The following MYO19 variants were observed in gnomAD, a reference collection of about 807,000 sequenced individuals.
The protein encoded by MYO19 is myosin XIX, also known as unconventional myosin-XIX.
MYO19 carries 132 observed loss-of-function variants against 129.2 expected under a neutral mutation model. The ratio of observed to expected loss-of-function variants is 1.02; its 90% confidence interval spans 0.89 to 1.18. The LOEUF (loss-of-function observed/expected upper bound fraction) is 1.18, where lower values mean the gene tolerates loss of function less well. Ranked by LOEUF, MYO19 falls within the 50% of genes most tolerant of loss-of-function variation. The probability of loss-of-function intolerance (pLI) is 0.00; values close to 1 mark genes in which losing one functional copy is unlikely to be tolerated. For missense variants in MYO19, 1,210 were observed against 1,216.7 expected (o/e 0.99, Z 0.08); for synonymous variants, 531 against 477.2 (o/e 1.11, Z -1.47).
intron 5 of MYO19, among the ~76,000 whole-genome samples, chr17:36,525,816 C>T (rs1178997609): frequency 6.6e-6 from 1 of 152,164 alleles, no homozygotes; most frequent in Non-Finnish European, 1.5e-5. Flanking sequence ...AGCCACTGTT[C>T]CCCTTTTCTT....
At chr17:36,521,436 A>T (rs2073124835) in intron 6 of MYO19, among the ~76,000 whole-genome samples, 1 of 152,360 alleles carries the variant, frequency 6.6e-6, no homozygotes, top group Non-Finnish European at 1.5e-5. Context: ...CTCTCAGAAG[A>T]TTAAAAAAAT....
Position 36,513,810 on chromosome 17 carries a change from A to C in MYO19, c.721-85T>G, listed in dbSNP as rs1756002209. ...TAGGCAGGCATGGGGTTGGGATAAG[A>C]GGAGAGTTGGTAGCAACATCACAAG... On this transcript the variant is annotated intron_variant, in intron 9 of 25. Transcript: ENST00000614623. 4.9e-6 allele frequency: 6 copies of C among 1,220,280 alleles called. 1 individual carries two copies. The South Asian group carries it at 8.1e-5, about 17-fold the overall frequency. 75.6% of individuals were successfully genotyped at this position (1,220,280 alleles called of 1,614,324 possible). A position where few individuals can be genotyped will look rare whatever the true frequency, so the allele number is the denominator to read the frequency against.
upstream of MYO19, chr17:36,538,898 C>T: frequency 3.6e-6 from 1 of 274,956 alleles, no homozygotes; most frequent in Admixed American, 5.0e-5. Context: ...GCACTGTAGG[C>T]ATGTACCACC....
intron 18 of MYO19, among the ~76,000 whole-genome samples, chr17:36,505,965 T>C (rs1263288965): frequency 3.9e-5 from 6 of 152,192 alleles, no homozygotes; most frequent in Admixed American, 2.6e-4. Context: ...GTCTGAAGGA[T>C]GAGAAGGACT....
intron 21 of MYO19, 117 bp downstream of exon 21, chr17:36,502,980 A>G (rs2071633168): frequency 3.5e-6 from 3 of 853,896 alleles, no homozygotes; most frequent in Non-Finnish European, 1.9e-6. Flanking sequence ...CTGAACCAAA[A>G]CCAGGGCTGT....
chr17:36,516,079 C>A, intron 6 of MYO19, 89 bp from the exon 7 acceptor site: 1 of 1,422,428 alleles, frequency 7.0e-7, no homozygotes, highest in South Asian at 1.4e-5. Context: ...CCAGAGCTCT[C>A]TTCTCCACCA....
chr17:36,522,902 A>G (rs1829719398), intron 6 of MYO19, among the ~76,000 whole-genome samples: 1 of 151,486 alleles, frequency 6.6e-6, no homozygotes. Flanking sequence ...GCTACTCGGG[A>G]GGCTGAGGCA....
intron 7 of MYO19, among the ~76,000 whole-genome samples, chr17:36,515,509 C>A (rs1182476087): frequency 6.6e-6 from 1 of 152,168 alleles, no homozygotes; most frequent in African/African-American, 2.4e-5. Context: ...GGTTCCAGTG[C>A]CAACACAAAC....
At chr17:36,523,308 GC>G (rs1467948546) in intron 6 of MYO19, among the ~76,000 whole-genome samples, 1 of 152,162 alleles carries the variant, frequency 6.6e-6, no homozygotes, top group Non-Finnish European at 1.5e-5. Context: ...CCATGCAACA[GC>G]TGTGTGGCAG....
chr17:36,535,096 G>A (rs1190420210), upstream of MYO19: 1 of 152,030 alleles, frequency 6.6e-6, no homozygotes, highest in African/African-American at 2.4e-5. Context: ...AGGGTAAAGC[G>A]GCAGCTTCCC....
rs191512712 is a variant in MYO19 at position 36,520,638 on chromosome 17, G to A, written c.414+4590C>T. On this transcript the variant is annotated intron_variant, in intron 6 of 25. Coordinates refer to ENST00000614623, the MANE Select transcript of MYO19 (RefSeq NM_001163735.2). Reference sequence around the variant, plus strand: ...CCTCTTCTTCCTCAGCCTACTCAAAGTGAAGATGACAGTGATGAAGACCTT... The same window carrying A: ...CCTCTTCTTCCTCAGCCTACTCAAAATGAAGATGACAGTGATGAAGACCTT... Among the ~76,000 whole-genome samples the A allele has an allele frequency of 1.2e-3, 184 of 152,190 alleles. 1 individual carries two copies. Among genetic ancestry groups the A allele is most frequent in the African/African-American group, 4.3e-3 (179 of 41,506 alleles).
upstream of MYO19, chr17:36,535,232 G>GGCGGAGAGTTGTGCGAGT (rs797035387): frequency 1.3e-5 from 2 of 152,044 alleles, no homozygotes; most frequent in African/African-American, 4.8e-5. Context: ...GTTGTGCGAG[G>GGCGGAGAGTTGTGCGAGT]CCGGCGGACA....
intron 5 of MYO19, among the ~76,000 whole-genome samples, chr17:36,526,417 A>C (rs2142348707): frequency 6.6e-6 from 1 of 152,126 alleles, no homozygotes; most frequent in African/African-American, 2.4e-5. Context: ...CCTCTCCCTG[A>C]ATGCATCATG....
chr17:36,512,642 T>C (rs1423650937), intron 11 of MYO19: 2 of 1,288,756 alleles, frequency 1.6e-6, no homozygotes, highest in East Asian at 1.1e-4. Context: ...GTACTGTCCT[T>C]CTGTCAAGTT....
In MYO19 at chr17:36,496,370, G is replaced by T; in HGVS notation, c.2794C>A (p.Arg932=). The T allele has an allele frequency of 1.2e-6, 2 of 1,613,986 alleles. No homozygotes were observed. Among genetic ancestry groups the T allele is most frequent in the South Asian group, 2.2e-5 (2 of 91,086 alleles). The change falls in exon 26 of 26, where the codon CGG becomes AGG. Residue 932 remains arginine, a synonymous_variant. Transcript: ENST00000614623. Reference sequence around the variant, plus strand: ...GGTTCAGGGCAGATGTCAGCATACCGCAGTGGAGACTTTCTGCAGTGAAAC... The same window carrying T: ...GGTTCAGGGCAGATGTCAGCATACCTCAGTGGAGACTTTCTGCAGTGAAAC... ...IKFHCRKSPL[R]YADICPEPSP...
chr17:36,498,249 C>G lies in MYO19; in HGVS notation c.2757+17G>C. 6.3e-7 allele frequency: 1 copy of G among 1,599,844 alleles called. No homozygotes were observed. The highest frequency in any genetic ancestry group is 1.1e-5 in the South Asian group (1 of 90,812). The stretch of plus-strand genomic sequence containing the variant: ...TTCTCAGGAACAAAGCTGTCATGGC[C>G]ATCACACACAACGTACCTGAGGCAG... On this transcript the variant is annotated intron_variant, in intron 25 of 25. Transcript: ENST00000614623.
intron 20 of MYO19, among the ~76,000 whole-genome samples, chr17:36,503,451 C>G (rs1417781605): frequency 6.6e-6 from 1 of 152,242 alleles, no homozygotes; most frequent in African/African-American, 2.4e-5. Flanking sequence ...CACAAAGCAT[C>G]TCTTGTGTTA....
At position 36,496,096 on chromosome 17, in the gene MYO19, T is replaced by C; in HGVS notation, c.*155A>G. Reference sequence around the variant, plus strand: ...TGGAACCCCAGGCCCACTGACGCACTGGGCACGGGGCTCTGGGTCGAAGGC... The same window carrying C: ...TGGAACCCCAGGCCCACTGACGCACCGGGCACGGGGCTCTGGGTCGAAGGC... On this transcript the variant is annotated 3_prime_UTR_variant, in exon 26 of 26. Transcript: ENST00000614623. 2 of 1,059,136 alleles carry C rather than the reference T, an allele frequency of 1.9e-6. No individual in the cohort carries two copies. The highest frequency in any genetic ancestry group is 2.7e-6 in the Non-Finnish European group (2 of 734,536). 65.6% of individuals were successfully genotyped at this position (1,059,136 alleles called of 1,614,324 possible).
intron 6 of MYO19, among the ~76,000 whole-genome samples, chr17:36,520,490 TG>T (rs1250956979): frequency 6.6e-5 from 10 of 152,156 alleles, no homozygotes; most frequent in Admixed American, 6.5e-4. Flanking sequence ...TGAAAACACG[TG>T]TTTGAATTGC....
Sources: allele counts gnomAD v4.1 joint callset (sites outside exome capture counted in the v4.1 genomes callset), GRCh38; gene constraint gnomAD v4.1.1; transcripts MANE v1.5; gene names NCBI Gene and HGNC (gene_info 2026-07-23, HGNC 2026-07-21).